The following AGRN variants were observed in gnomAD, a reference collection of about 807,000 sequenced individuals.
AGRN encodes agrin.
A neutral mutation model predicts 211.0 loss-of-function variants in AGRN; 106 were observed. That is an observed-to-expected ratio of 0.50 (90% CI 0.43 to 0.59). The LOEUF (loss-of-function observed/expected upper bound fraction) is 0.59, where lower values mean the gene tolerates loss of function less well. AGRN is among the 20% of genes least tolerant of loss of function. AGRN has a pLI of 0.00. For synonymous variants in AGRN, 1,525 were observed against 1,332.5 expected (o/e 1.14, Z -3.15); for missense variants, 3,040 against 2,982.6 (o/e 1.02, Z -0.45).
rs977489712 is a variant in AGRN at position 1,046,857 on chromosome 1, T to C, written c.3288T>C (p.Pro1096=). ...TGGAGGGCAGCAGCGTGGCCACCCC[T>C]GGGCCACCTGTCGAGAGGGCTTCCT... ...EPLEGSSVAT[P]GPPVERASCY... The change falls in exon 19 of 36, where the codon CCT becomes CCC. Residue 1096 remains proline (P), a synonymous_variant. Coordinates refer to ENST00000379370, the MANE Select transcript of AGRN (RefSeq NM_198576.4). 2.5e-6 allele frequency: 4 copies of C among 1,586,876 alleles called. No homozygotes were observed. The highest frequency in any genetic ancestry group is 2.7e-5 in the African/African-American group (2 of 74,896).
chr1:1,048,935 C>T lies in AGRN; in HGVS notation c.4174C>T (p.His1392Tyr). ...FLAFPTLRAY[H>Y]TLRLALEFRA... The stretch of plus-strand genomic sequence containing the variant: ...GGCCTTCCCCACTCTCCGCGCCTAC[C>T]ACACGCTGCGCCTGGCACTGGAATT... The change falls in exon 24 of 36, where the codon CAC (histidine) becomes TAC (tyrosine). Residue 1392 changes from histidine (H) to tyrosine (Y), a missense_variant. Physicochemically the swap from His to Tyr is moderately conservative, Grantham distance 83 (BLOSUM62 2). Around this residue, in one of 3 missense-constraint regions of AGRN, gnomAD observed 1,537 missense variants for 1,505.0 expected, o/e 1.02. Coordinates refer to ENST00000379370, the MANE Select transcript of AGRN (RefSeq NM_198576.4). This position sits in a 1 kb window ranked among gnomAD's most constrained non-coding sequence, Gnocchi z 5.9. 1 of 1,564,688 alleles carries T rather than the reference C, an allele frequency of 6.4e-7. No homozygotes were observed. Among genetic ancestry groups the T allele is most frequent in the Non-Finnish European group, 8.7e-7 (1 of 1,156,066 alleles).
Position 1,041,950 on chromosome 1 carries a change from T to C in AGRN, c.1178-6T>C, listed in dbSNP as rs2799066. 0.92 allele frequency: 1,471,141 copies of C among 1,602,914 alleles called. 677,221 individuals are homozygous for C. The highest frequency in any genetic ancestry group is 1 in the East Asian group (44,790 of 44,796). Reference sequence around the variant, plus strand: ...TCTCCGTGACTCCCTCACCCCTGCGTCCTAGACCAGTGCCCGGAGCCCTGC... The same window carrying C: ...TCTCCGTGACTCCCTCACCCCTGCGCCCTAGACCAGTGCCCGGAGCCCTGC... On this transcript the variant is annotated splice_region_variant and splice_polypyrimidine_tract_variant and intron_variant, in intron 6 of 35. Transcript: ENST00000379370.
Position 1,047,434 on chromosome 1 carries a change from G to A in AGRN, c.3496G>A (p.Ala1166Thr), listed in dbSNP as rs781739579. The A allele has an allele frequency of 1.2e-6, 2 of 1,612,838 alleles. No individual in the cohort carries two copies. The highest frequency in any genetic ancestry group is 8.5e-7 in the Non-Finnish European group (1 of 1,179,928). Residue 1166 changes from alanine (A) to threonine (T), a missense_variant, in exon 20 of 36, where the codon GCC becomes ACC. Around this residue, in one of 3 missense-constraint regions of AGRN, gnomAD observed 1,537 missense variants for 1,505.0 expected, o/e 1.02. Coordinates refer to ENST00000379370, the MANE Select transcript of AGRN (RefSeq NM_198576.4). The stretch of plus-strand genomic sequence containing the variant: ...CAAGTCAGAACTGTTCGGGGAGACA[G>A]CCAGGAGCATTGAGAGCACCGTAAG... Reference protein sequence around the residue: ...DPKSELFGETARSIESTLDDL... With the variant: ...DPKSELFGETTRSIESTLDDL...
intron 2 of AGRN, among the ~76,000 whole-genome samples, chr1:1,029,261 C>T (rs983960321): frequency 6.6e-5 from 10 of 152,102 alleles, no homozygotes; most frequent in South Asian, 2.1e-4. Flanking sequence ...TGTGTCCACA[C>T]GGGAACATAT....
rs1375996314 is a variant in AGRN at position 1,032,843 on chromosome 1, G to T, written c.464-2434G>T. On this transcript the variant is annotated intron_variant, in intron 2 of 35. Transcript: ENST00000379370. This position sits in a 1 kb window ranked among gnomAD's most constrained non-coding sequence, Gnocchi z 4.7. ...GCCAGGGGTGTGCGGGGGCGCTGAG[G>T]TGCGGTCGCCGAGAGATTCTGGCCT... 6.6e-6 allele frequency among the ~76,000 whole-genome samples: 1 copy of T among 152,138 alleles called. No homozygotes were observed. The highest frequency in any genetic ancestry group is 2.1e-4 in the South Asian group (1 of 4,830).
At chr1:1,029,391 G>GTGTCTATGCAGGCAGGTGGGGGGATCAC (rs1644597758) in intron 2 of AGRN, among the ~76,000 whole-genome samples, 2 of 140,382 alleles carry the variant, frequency 1.4e-5, no homozygotes, top group Non-Finnish European at 3.1e-5. Flanking sequence ...GGGGGGATCA[G>GTGTCTATGCAGGCAGGTGGGGGGATCAC]TGTCTATGCA....
intron 19 of AGRN, 151 bp from the exon 20 acceptor site, chr1:1,047,176 G>A (rs1214345923): frequency 7.2e-6 from 10 of 1,390,414 alleles, no homozygotes; most frequent in African/African-American, 1.5e-5. Context: ...ACCGACACCA[G>A]CCCCACCCTG....
At chr1:1,021,619 GT>G (rs1644408623) in intron 1 of AGRN, among the ~76,000 whole-genome samples, 1 of 152,274 alleles carries the variant, frequency 6.6e-6, no homozygotes, top group Non-Finnish European at 1.5e-5. Flanking sequence ...ACAGGCCACC[GT>G]CAGAGCAGCT....
In AGRN at chr1:1,046,155, C is replaced by T. The variant is rs200385841; in HGVS notation, c.2806-5C>T. The T allele has an allele frequency of 9.3e-6, 15 of 1,613,914 alleles. No individual in the cohort carries two copies. Among genetic ancestry groups the T allele is most frequent in the South Asian group, 2.2e-5 (2 of 91,092 alleles). Reference sequence around the variant, plus strand: ...CGCCTTGAACATCCTTGTTCTCTGCCCCAGGTCTGTGGGTCAGATGGAGTC... The same window carrying T: ...CGCCTTGAACATCCTTGTTCTCTGCTCCAGGTCTGTGGGTCAGATGGAGTC... On this transcript the variant is annotated splice_polypyrimidine_tract_variant and splice_region_variant and intron_variant, in intron 16 of 35. Coordinates refer to ENST00000379370, the MANE Select transcript of AGRN (RefSeq NM_198576.4).
chr1:1,054,210 C>T (rs1444476750), intron 34 of AGRN, among the ~76,000 whole-genome samples: 1 of 152,132 alleles, frequency 6.6e-6, no homozygotes, highest in African/African-American at 2.4e-5. Context: ...GGGGGTCGCT[C>T]CAGTCTGAGC....
At chr1:1,034,693 C>G in intron 2 of AGRN, 1 of 993,340 alleles carries the variant, frequency 1.0e-6, no homozygotes, top group African/African-American at 1.7e-5. Flanking sequence ...TGCTGCTGTT[C>G]CTCAACAACT....
intron 7 of AGRN, 48 bp downstream of exon 7, chr1:1,042,210 C>T: frequency 1.9e-6 from 3 of 1,547,428 alleles, no homozygotes; most frequent in South Asian, 1.2e-5. Context: ...GCTCCTGCGT[C>T]AGTCCCTGCC....
Position 1,043,468 on chromosome 1 carries a change from G to A in AGRN, c.1603+11G>A, listed in dbSNP as rs1458294221. 1.9e-6 allele frequency: 3 copies of A among 1,597,874 alleles called. No individual in the cohort carries two copies. On this transcript the variant is annotated intron_variant, in intron 8 of 35. Transcript: ENST00000379370. ...GCAAAGGACCCTGTGGTCAGTGGCGGGTGAGGGGTCTGGTGGGGGTCGGGG... is the reference window on the plus strand; with the variant it reads ...GCAAAGGACCCTGTGGTCAGTGGCGAGTGAGGGGTCTGGTGGGGGTCGGGG...
In AGRN at chr1:1,041,546, G is replaced by GAGATGCTCCTACGGCCCGAGATGCTCCT. The variant is rs761503924; in HGVS notation, c.1042_1043insTGCTCCTAGATGCTCCTACGGCCCGAGA (p.Ser348MetfsTer84). Reference sequence around the variant, plus strand: ...TGTGAACCCGCGCACGCGGCGCCCTGAGATGCTCCTACGGCCCGAGAGCTG... The same window carrying GAGATGCTCCTACGGCCCGAGATGCTCCT: ...TGTGAACCCGCGCACGCGGCGCCCTGAGATGCTCCTACGGCCCGAGATGCTCCTAGATGCTCCTACGGCCCGAGAGCTG... On this transcript the variant is annotated frameshift_variant, in exon 6 of 36. Transcript: ENST00000379370. LOFTEE classifies it high-confidence loss of function. 6.2e-7 allele frequency: 1 copy of GAGATGCTCCTACGGCCCGAGATGCTCCT among 1,607,626 alleles called. No homozygotes were observed. The highest frequency in any genetic ancestry group is 1.1e-5 in the South Asian group (1 of 90,974).
At position 1,051,751 on chromosome 1, in the gene AGRN, G is replaced by A; in HGVS notation, c.5587G>A (p.Asp1863Asn). Residue 1863 changes from aspartate to asparagine, a missense_variant, in exon 33 of 36, where the codon GAC (aspartate) becomes AAC (asparagine). Physicochemically the swap from Asp to Asn is conservative, Grantham distance 23. Transcript: ENST00000379370. ...AGGGCTGGTGGAGAAGTCAGCGGGG[G>A]ACGTGGATACCTTGGCCTTTGACGG... ...EKGLVEKSAGDVDTLAFDGRT... is the reference protein window; with the variant it reads ...EKGLVEKSAGNVDTLAFDGRT... 6.2e-7 allele frequency: 1 copy of A among 1,613,888 alleles called. No homozygotes were observed. The highest frequency in any genetic ancestry group is 8.5e-7 in the Non-Finnish European group (1 of 1,179,976).
In AGRN at chr1:1,050,802, G is replaced by C; in HGVS notation, c.5218G>C (p.Val1740Leu). The C allele has an allele frequency of 2.5e-6, 4 of 1,596,046 alleles. No individual in the cohort carries two copies. Among genetic ancestry groups the C allele is most frequent in the South Asian group, 1.1e-5 (1 of 89,224 alleles). Residue 1740 changes from valine (V) to leucine (L), a missense_variant, in exon 30 of 36, where the codon GTG becomes CTG. Physicochemically the swap from Val to Leu is conservative, Grantham distance 32 (BLOSUM62 1). Around this residue, in one of 3 missense-constraint regions of AGRN, gnomAD observed 1,537 missense variants for 1,505.0 expected, o/e 1.02. Transcript: ENST00000379370. ...AAACGGCCGCAAGGGTGCCCTGCGT[G>C]TGGGCGACGGCCCCCGTGTGTTGGG... ...ERNGRKGALR[V>L]GDGPRVLGES...
rs765612444 is a variant in AGRN at position 1,042,157 on chromosome 1, C to T, written c.1379C>T (p.Pro460Leu). ...QRAIPSKHQG[P>L]CDQAPSPCLG... is the part of the protein sequence containing the mutation. ...GCCATCCCCAGCAAGCACCAGGGCC[C>T]GTGTGGTGAGCGCCCCGGGGTGGAG... Residue 460 changes from proline to leucine, a missense_variant, in exon 7 of 36, where the codon CCG (proline) becomes CTG (leucine). Pro to Leu is a moderately conservative substitution (Grantham distance 98, BLOSUM62 -3). This residue lies in a region of AGRN where 1,498 missense variants were observed against 1,457.8 expected (regional missense o/e 1.03). Coordinates refer to ENST00000379370, the MANE Select transcript of AGRN (RefSeq NM_198576.4). The T allele has an allele frequency of 1.5e-5, 24 of 1,594,436 alleles. No homozygotes were observed. Among genetic ancestry groups the T allele is most frequent in the South Asian group, 8.8e-5 (8 of 90,710 alleles).
intron 19 of AGRN, 183 bp downstream of exon 19, chr1:1,047,140 C>T (rs1039508323): frequency 3.3e-5 from 45 of 1,350,800 alleles, no homozygotes; most frequent in Non-Finnish European, 4.3e-5. Context: ...CGGTGTGGCA[C>T]ACTGCTCTGA....
At chr1:1,022,983 GAGTGGCCCTCCCTGACC>G (rs1644443089) in intron 2 of AGRN, among the ~76,000 whole-genome samples, 2 of 152,236 alleles carry the variant, frequency 1.3e-5, no homozygotes, top group African/African-American at 2.4e-5. Context: ...AAGGGCCGAG[GAGTGGCCCTCCCTGACC>G]CCAGCCTGGT....
Sources: gnomAD v4.1 joint callset for allele counts (sites outside exome capture counted in the v4.1 genomes callset) on GRCh38, gnomAD v4.1.1 for gene constraint, gnomAD v4.1.1 regional missense constraint, Gnocchi (gnomAD v3.1) non-coding constraint, MANE v1.5 for transcripts, NCBI Gene and HGNC (gene_info 2026-07-23, HGNC 2026-07-21) for gene names.